The following WRN variants were observed in gnomAD, a reference collection of about 807,000 sequenced individuals.
WRN encodes the protein bifunctional 3'-5' exonuclease/ATP-dependent helicase WRN.
A neutral mutation model predicts 180.7 loss-of-function variants in WRN; 149 were observed. That is an observed-to-expected ratio of 0.82 (90% confidence interval 0.72 to 0.94). The LOEUF is 0.94. Among genes scored for constraint, WRN ranks in the 40% least tolerant of loss-of-function variants. WRN has a pLI of 0.00. For synonymous variants in WRN, 548 were observed against 568.9 expected, an observed-to-expected ratio of 0.96 and a Z score of 0.52; for missense variants, 1,661 against 1,700.1, an observed-to-expected ratio of 0.98 and a Z score of 0.40.
chr8:31,065,272 T>G (rs558696673), intron 5 of WRN, among the ~76,000 whole-genome samples: 1 of 152,202 alleles, frequency 6.6e-6, no homozygotes, highest in Non-Finnish European at 1.5e-5. Context: ...GGGGTACATG[T>G]GCATGTTTGT....
chr8:31,130,613 T>A (rs1365588471), intron 23 of WRN, among the ~76,000 whole-genome samples: 1 of 29,966 alleles, frequency 3.3e-5, no homozygotes, highest in Non-Finnish European at 7.0e-5. Flanking sequence ...TAGCATAGGA[T>A]TTGGGTTTTT....
chr8:31,172,139 T>TTG (rs560889099), intron 34 of WRN, among the ~76,000 whole-genome samples: 24,177 of 150,800 alleles, frequency 0.16, 2,365 homozygotes, highest in East Asian at 0.28. Flanking sequence ...AACACTACCT[T>TTG]TGTGTGTGTG....
intron 20 of WRN, among the ~76,000 whole-genome samples, chr8:31,117,297 G>A (rs1044477994): frequency 3.3e-5 from 5 of 152,012 alleles, no homozygotes; most frequent in African/African-American, 1.2e-4. Context: ...AATCCTTGGA[G>A]TGCCGCAGAA....
At chr8:31,126,652 A>G (rs1801941614) in intron 23 of WRN, among the ~76,000 whole-genome samples, 1 of 152,164 alleles carries the variant, frequency 6.6e-6, no homozygotes, top group Admixed American at 6.5e-5. Flanking sequence ...CAATGAATAG[A>G]AAAGCTATGG....
intron 24 of WRN, among the ~76,000 whole-genome samples, chr8:31,135,876 T>G (rs1477061573): frequency 6.6e-6 from 1 of 152,208 alleles, no homozygotes. Flanking sequence ...AAGACTTTGC[T>G]TTTACCGGAA....
intron 18 of WRN, among the ~76,000 whole-genome samples, chr8:31,105,095 A>T (rs1346541066): frequency 2.2e-4 from 1 of 4,458 alleles, no homozygotes; most frequent in African/African-American, 2.4e-4. Flanking sequence ...GTTGGAGCAG[A>T]TATTAAAACA....
chr8:31,097,653 C>T (rs1160343920), intron 17 of WRN, among the ~76,000 whole-genome samples: 1 of 152,088 alleles, frequency 6.6e-6, no homozygotes, highest in Admixed American at 6.6e-5. Flanking sequence ...GTGGTGCATG[C>T]CCATAGTCCA....
At chr8:31,079,663 A>G (rs948231984) in intron 8 of WRN, among the ~76,000 whole-genome samples, 1 of 152,192 alleles carries the variant, frequency 6.6e-6, no homozygotes, top group South Asian at 2.1e-4. Flanking sequence ...ATTTATTTAT[A>G]TGCATCTTAT....
Position 31,081,301 on chromosome 8 carries a change from T to TA in WRN, c.1269+8dup, listed in dbSNP as rs1344004632. On this transcript the variant is annotated splice_donor_region_variant and intron_variant, in intron 9 of 34. Transcript: ENST00000298139. ...ATTGCTTATAAATCTACTGAGGTACTAAATAAAGAGGAAGCACATTTTTAG... is the reference window on the plus strand; with the variant it reads ...ATTGCTTATAAATCTACTGAGGTACTAAAATAAAGAGGAAGCACATTTTTAG... 1 of 1,612,902 alleles carries TA rather than the reference T, an allele frequency of 6.2e-7. No individual in the cohort carries two copies. Among genetic ancestry groups the TA allele is most frequent in the Non-Finnish European group, 8.5e-7 (1 of 1,179,330 alleles).
rs575214398 is a variant in WRN, at chr8:31,057,588, A to C, written c.-76-784A>C. On this transcript the variant is annotated intron_variant, in intron 1 of 34. Transcript: ENST00000298139. ...TCCGTCTCAAAACAAAAAACAAAAAACAAAAAAACTGCTACCTCCTTATTA... is the reference window on the plus strand; with the variant it reads ...TCCGTCTCAAAACAAAAAACAAAAACCAAAAAAACTGCTACCTCCTTATTA... 4.6e-5 allele frequency among the ~76,000 whole-genome samples: 7 copies of C among 152,088 alleles called. No individual in the cohort carries two copies. In the East Asian group the frequency reaches 1.4e-3, roughly 29 times the overall value.
intron 1 of WRN, among the ~76,000 whole-genome samples, chr8:31,042,365 A>G (rs767668537): frequency 6.6e-6 from 1 of 152,178 alleles, no homozygotes; most frequent in African/African-American, 2.4e-5. Flanking sequence ...ATTAATGGCT[A>G]TAGTTTTGAT....
At chr8:31,044,818 A>G (rs1389017128) in intron 1 of WRN, among the ~76,000 whole-genome samples, 1 of 152,158 alleles carries the variant, frequency 6.6e-6, no homozygotes, top group Non-Finnish European at 1.5e-5. Flanking sequence ...TTGTTTATTT[A>G]CCTATTAATT....
chr8:31,170,632 G>A (rs1257958471), intron 34 of WRN, among the ~76,000 whole-genome samples: 2 of 152,040 alleles, frequency 1.3e-5, no homozygotes, highest in African/African-American at 4.8e-5. Flanking sequence ...TTTCCTATTC[G>A]TAACTTAATG....
rs573085690 is a variant in WRN at position 31,150,860 on chromosome 8, C to A, written c.3687+405C>A. ...TAGCATCTTCTCTAATCTCCCTCCCCTTCCAGTAATGCTGTCTTTTGATAG... is the reference window on the plus strand; with the variant it reads ...TAGCATCTTCTCTAATCTCCCTCCCATTCCAGTAATGCTGTCTTTTGATAG... On this transcript the variant is annotated intron_variant, in intron 31 of 34. Transcript: ENST00000298139. Among the ~76,000 whole-genome samples, 3 of 152,342 alleles carry A rather than the reference C, an allele frequency of 2.0e-5. No homozygotes were observed. The South Asian group carries it at 6.2e-4, about 32-fold the overall frequency.
chr8:31,037,043 T>C (rs1461172451), intron 1 of WRN, among the ~76,000 whole-genome samples: 1 of 152,214 alleles, frequency 6.6e-6, no homozygotes, highest in Middle Eastern at 3.2e-3. Context: ...ATTACATTTA[T>C]TGTGCACTTT....
At chr8:31,090,371 C>A in intron 13 of WRN, 94 bp from the exon 14 acceptor site, 1 of 1,218,434 alleles carries the variant, frequency 8.2e-7, no homozygotes, top group Non-Finnish European at 1.2e-6. Context: ...AAAATAAATT[C>A]TATGAGAGGA....
At chr8:31,101,322 G>A (rs949809550) in intron 18 of WRN, among the ~76,000 whole-genome samples, 8 of 152,040 alleles carry the variant, frequency 5.3e-5, no homozygotes, top group African/African-American at 1.2e-4. Flanking sequence ...ATATTTGTCC[G>A]AATGTCTTCT....
At chr8:31,065,422 T>C (rs898141365) in intron 5 of WRN, among the ~76,000 whole-genome samples, 4 of 152,168 alleles carry the variant, frequency 2.6e-5, no homozygotes, top group Admixed American at 6.5e-5. Context: ...GTGTGTGTTG[T>C]TCCCCTCTGT....
intron 10 of WRN, among the ~76,000 whole-genome samples, chr8:31,084,135 A>C (rs1813431115): frequency 6.6e-6 from 1 of 152,040 alleles, no homozygotes; most frequent in Non-Finnish European, 1.5e-5. Flanking sequence ...AGTAGCTGGG[A>C]TTATGGGCGT....
Sources: allele counts gnomAD v4.1 joint callset (sites outside exome capture counted in the v4.1 genomes callset), GRCh38; gene constraint gnomAD v4.1.1; transcripts MANE v1.5; gene names NCBI Gene and HGNC (gene_info 2026-07-23, HGNC 2026-07-21).